The following ZNF362 variants were observed in gnomAD, a reference collection of about 807,000 sequenced individuals.
ZNF362 encodes the protein zinc finger protein 362.
Under a neutral mutation model 42.9 loss-of-function variants are expected in ZNF362, and 11 were observed. That is an observed-to-expected ratio of 0.26 (90% CI 0.16 to 0.42). The LOEUF (loss-of-function observed/expected upper bound fraction) is 0.42, where lower values mean the gene tolerates loss of function less well. Among genes scored for constraint, ZNF362 ranks in the 20% least tolerant of loss-of-function variants. ZNF362 has a pLI of 1.00. For missense variants in ZNF362, 362 were observed against 576.2 expected (o/e 0.63, Z 3.81); for synonymous variants, 255 against 257.3 (o/e 0.99, Z 0.09).
At chr1:33,175,211 T>C in the ZNF362 span, among the ~76,000 whole-genome samples, 4 of 151,734 alleles carry the variant, frequency 2.6e-5, no homozygotes, top group South Asian at 8.3e-4. Flanking sequence ...AGCTAATTTT[T>C]TTTTTTTTTG....
the ZNF362 span, among the ~76,000 whole-genome samples, chr1:33,212,252 A>G: frequency 1.3e-5 from 2 of 152,092 alleles, no homozygotes; most frequent in Admixed American, 1.3e-4. Context: ...CTTCCTATAC[A>G]GCTTGCAGTA....
At position 33,294,544 on chromosome 1, in the gene ZNF362, G is replaced by A. The variant is rs1376560620; in HGVS notation, c.909-393G>A. ...CTCCTTCTTCTTAGGGAAGGAGGCT[G>A]GGTGGGCAGGGAAGGTCCCGACAAA... is the stretch of plus-strand genomic sequence containing the variant. On this transcript the variant is annotated intron_variant, in intron 6 of 8. Transcript: ENST00000539719. This position sits in a 1 kb window ranked among gnomAD's most constrained non-coding sequence, Gnocchi z 4.2. Among the ~76,000 whole-genome samples, 11 of 152,186 alleles carry A rather than the reference G, an allele frequency of 7.2e-5. No homozygotes were observed. The highest frequency in any genetic ancestry group is 7.2e-4 in the Admixed American group (11 of 15,276).
intron 1 of ZNF362, among the ~76,000 whole-genome samples, chr1:33,259,985 G>A (rs1280864637): frequency 6.6e-6 from 1 of 152,204 alleles, no homozygotes; most frequent in Non-Finnish European, 1.5e-5. Context: ...TCTCTCATGG[G>A]TTGTTGGGAG....
the ZNF362 span, among the ~76,000 whole-genome samples, chr1:33,189,665 A>ATATATATATATATG: frequency 5.8e-5 from 1 of 17,202 alleles, no homozygotes; most frequent in African/African-American, 1.1e-4. Flanking sequence ...ATATATATAT[A>ATATATATATATATG]TATATATGTA....
the ZNF362 span, among the ~76,000 whole-genome samples, chr1:33,179,496 G>A: frequency 2.0e-4 from 30 of 152,232 alleles, no homozygotes; most frequent in Non-Finnish European, 1.5e-5. Context: ...CTCGAGGCCA[G>A]AGAGCTCATT....
At chr1:33,254,779 T>A (rs1000827925), upstream of ZNF362, among the ~76,000 whole-genome samples, 8 of 152,262 alleles carry the variant, frequency 5.3e-5, no homozygotes, top group South Asian at 1.7e-3. Flanking sequence ...TGCAGCCTAC[T>A]CCTAAAGAGT....
At chr1:33,238,284 A>G in the ZNF362 span, among the ~76,000 whole-genome samples, 8 of 148,016 alleles carry the variant, frequency 5.4e-5, no homozygotes, top group African/African-American at 2.0e-4. Flanking sequence ...GCACCACTGC[A>G]CGCCAGCCCG....
chr1:33,159,581 A>G, the ZNF362 span: 1 of 1,420,974 alleles, frequency 7.0e-7, no homozygotes, highest in Non-Finnish European at 9.3e-7. The surrounding 1 kb of genome is among the most constrained non-coding windows in gnomAD (Gnocchi z 4.2). Context: ...GAAGATTTGA[A>G]TGAAAGAATT....
chr1:33,161,506 C>T, the ZNF362 span, among the ~76,000 whole-genome samples: 43 of 152,300 alleles, frequency 2.8e-4, no homozygotes, highest in African/African-American at 9.1e-4. The surrounding 1 kb of genome is among the most constrained non-coding windows in gnomAD (Gnocchi z 4.3). Flanking sequence ...CCCTCCCCGA[C>T]GCGCGGCTGC....
At chr1:33,166,591 A>C in the ZNF362 span, among the ~76,000 whole-genome samples, 12 of 152,316 alleles carry the variant, frequency 7.9e-5, no homozygotes, top group African/African-American at 2.9e-4. Flanking sequence ...AAAAAGATAC[A>C]GAGAGGTCAA....
chr1:33,197,265 C>A, the ZNF362 span, among the ~76,000 whole-genome samples: 2 of 152,188 alleles, frequency 1.3e-5, no homozygotes. Flanking sequence ...TGAGCCACTA[C>A]TGGCTTCTCT....
chr1:33,241,445 G>A, the ZNF362 span, among the ~76,000 whole-genome samples: 1 of 149,000 alleles, frequency 6.7e-6, no homozygotes, highest in Admixed American at 6.7e-5. Flanking sequence ...GCAGTGAGCC[G>A]AGATCATGCC....
intron 6 of ZNF362, among the ~76,000 whole-genome samples, chr1:33,291,975 G>T (rs566824780): frequency 6.6e-6 from 1 of 152,108 alleles, no homozygotes; most frequent in Non-Finnish European, 1.5e-5. Flanking sequence ...GGGCTGAGAC[G>T]ATGGGGTTTT....
At chr1:33,211,190 C>T in the ZNF362 span, among the ~76,000 whole-genome samples, 1 of 152,188 alleles carries the variant, frequency 6.6e-6, no homozygotes, top group Non-Finnish European at 1.5e-5. Flanking sequence ...TCGCTAGCCT[C>T]CCAAAGTGTT....
chr1:33,295,075 C>A (rs1646110143), intron 7 of ZNF362, 60 bp downstream of exon 7: 2 of 1,611,556 alleles, frequency 1.2e-6, no homozygotes, highest in Non-Finnish European at 8.5e-7. Flanking sequence ...CCCACCCCCA[C>A]AAGGAAGCGT....
the ZNF362 span, among the ~76,000 whole-genome samples, chr1:33,220,589 A>G: frequency 3.8e-3 from 574 of 152,112 alleles, 2 homozygotes; most frequent in African/African-American, 0.013. Flanking sequence ...TGGAGGCGCC[A>G]TCTGTGGCTG....
At chr1:33,213,319 G>A in the ZNF362 span, among the ~76,000 whole-genome samples, 3 of 152,080 alleles carry the variant, frequency 2.0e-5, no homozygotes, top group East Asian at 3.9e-4. Flanking sequence ...TAATCACGGC[G>A]ATGATTTCAC....
chr1:33,279,626 A>T (rs1465404555), intron 4 of ZNF362, among the ~76,000 whole-genome samples: 4 of 147,398 alleles, frequency 2.7e-5, no homozygotes, highest in African/African-American at 7.6e-5. Flanking sequence ...ATTGTCAAAG[A>T]ATCAAGCACA....
At chr1:33,293,161 A>G (rs925440569) in intron 6 of ZNF362, among the ~76,000 whole-genome samples, 7 of 152,260 alleles carry the variant, frequency 4.6e-5, no homozygotes, top group African/African-American at 1.7e-4. Flanking sequence ...CGCTCGGGAG[A>G]TTCCGCAGAG....
Sources: gnomAD v4.1 joint callset for allele counts (sites outside exome capture counted in the v4.1 genomes callset) on GRCh38, gnomAD v4.1.1 for gene constraint, Gnocchi (gnomAD v3.1) non-coding constraint, MANE v1.5 for transcripts, NCBI Gene and HGNC (gene_info 2026-07-23, HGNC 2026-07-21) for gene names.